The following TCHP variants were observed in gnomAD, a reference collection of about 807,000 sequenced individuals.
TCHP encodes trichoplein keratin filament-binding protein.
TCHP carries 81 observed loss-of-function variants against 88.7 expected under a neutral mutation model. The observed-to-expected ratio is 0.91, with a 90% CI of 0.76 to 1.10. The LOEUF (loss-of-function observed/expected upper bound fraction) is 1.10. Among genes scored for constraint, TCHP ranks in the 50% least tolerant of loss-of-function variants. The pLI, the probability that TCHP is intolerant of heterozygous loss-of-function variation, is 0.00. For missense variants in TCHP, 641 were observed against 632.1 expected (o/e 1.01, Z -0.15); for synonymous variants, 232 against 232.5 (o/e 1.00, Z 0.02).
At chr12:109,883,375 G>C in the TCHP span, among the ~76,000 whole-genome samples, 1 of 152,100 alleles carries the variant, frequency 6.6e-6, no homozygotes. Flanking sequence ...GAGAGAAGAG[G>C]TTGTTTCAAA....
intron 8 of TCHP, among the ~76,000 whole-genome samples, chr12:109,910,712 G>A (rs187088613): frequency 7.7e-4 from 118 of 152,302 alleles, no homozygotes; most frequent in East Asian, 5.8e-4. Flanking sequence ...TGCAACGAGT[G>A]TTTTGCACTT....
Position 109,911,079 on chromosome 12 carries a change from T to C in TCHP, c.896T>C (p.Ile299Thr), listed in dbSNP as rs778619018. 3 of 1,585,550 alleles carry C rather than the reference T, an allele frequency of 1.9e-6. No homozygotes were observed. The highest frequency in any genetic ancestry group is 1.7e-6 in the Non-Finnish European group (2 of 1,166,220). ...TTCCTCTAGGAGGCAGACAGGCGGATCCTGCAGGCCCTCCTCGAGAAGGAG... is the reference window on the plus strand; with the variant it reads ...TTCCTCTAGGAGGCAGACAGGCGGACCCTGCAGGCCCTCCTCGAGAAGGAG... Reference protein sequence around the residue: ...IQEELEADRRILQALLEKEDE... With the variant: ...IQEELEADRRTLQALLEKEDE... Residue 299 changes from isoleucine (I) to threonine (T), a missense_variant, in exon 9 of 13, where the codon ATC (isoleucine) becomes ACC (threonine). Ile to Thr is a moderately conservative substitution (Grantham distance 89, BLOSUM62 -1). Transcript: ENST00000405876.
At chr12:109,892,631 C>A in the TCHP span, among the ~76,000 whole-genome samples, 1 of 152,114 alleles carries the variant, frequency 6.6e-6, no homozygotes. Context: ...GCAGGAAAGT[C>A]ACAGAAAACA....
At chr12:109,888,189 G>C in the TCHP span, 4 of 152,236 alleles carry the variant, frequency 2.6e-5, no homozygotes, top group Admixed American at 2.6e-4. Context: ...ATAGAAGGGC[G>C]AGGAAGAGAG....
chr12:109,904,005 A>G lies in TCHP; in HGVS notation c.257A>G (p.Lys86Arg). The G allele has an allele frequency of 1.9e-6, 3 of 1,610,766 alleles. No individual in the cohort carries two copies. The highest frequency in any genetic ancestry group is 1.3e-5 in the African/African-American group (1 of 75,030). Residue 86 changes from lysine to arginine, a missense_variant, in exon 3 of 13, where the codon AAG (lysine) becomes AGG (arginine). Physicochemically the swap from Lys to Arg is conservative, Grantham distance 26. Transcript: ENST00000405876. ...KRRSLEARRE[K>R]LRQLMQEEQD... ...AGGAGTCTGGAGGCCCGACGGGAAA[A>G]GCTCAGGCAGCTCATGCAGGAGGAG...
At chr12:109,883,768 A>T in the TCHP span, among the ~76,000 whole-genome samples, 1 of 152,172 alleles carries the variant, frequency 6.6e-6, no homozygotes, top group Non-Finnish European at 1.5e-5. Flanking sequence ...TTCAAGAAGC[A>T]CCTTGCCATA....
At chr12:109,916,554 T>G (rs368852976) in intron 12 of TCHP, 37 bp from the exon 13 acceptor site, 11 of 1,604,446 alleles carry the variant, frequency 6.9e-6, no homozygotes, top group African/African-American at 6.7e-5. Flanking sequence ...CAGATACTGC[T>G]GATCTGATCA....
chr12:109,882,770 C>A, the TCHP span, among the ~76,000 whole-genome samples: 2 of 150,260 alleles, frequency 1.3e-5, no homozygotes, highest in African/African-American at 4.9e-5. Flanking sequence ...CAATTCTCTG[C>A]CTCAGCCTCC....
At position 109,903,844 on chromosome 12, in the gene TCHP, A is replaced by G. The variant is rs533468101; in HGVS notation, c.189-93A>G. 48 of 1,016,378 alleles carry G rather than the reference A, an allele frequency of 4.7e-5. No individual in the cohort carries two copies. Among genetic ancestry groups the G allele is most frequent in the Non-Finnish European group, 7.1e-5 (47 of 666,040 alleles). 63.0% of individuals were successfully genotyped at this position (1,016,378 alleles called of 1,614,324 possible). A position where few individuals can be genotyped will look rare whatever the true frequency, so the allele number is the denominator to read the frequency against. ...ACACATTCCTGTGTCGTCATGACAC[A>G]TCTACCTCAGCCTCTTTTACCGACA... On this transcript the variant is annotated intron_variant, in intron 2 of 12. Coordinates refer to ENST00000405876, the MANE Select transcript of TCHP (RefSeq NM_001143852.2). The surrounding 1 kb of genome is among the most constrained non-coding windows in gnomAD (Gnocchi z 4.6).
chr12:109,904,737 A>G lies in TCHP; in HGVS notation c.400A>G (p.Ile134Val). The G allele has an allele frequency of 1.2e-6, 2 of 1,610,416 alleles. No individual in the cohort carries two copies. Among genetic ancestry groups the G allele is most frequent in the Non-Finnish European group, 1.7e-6 (2 of 1,179,136 alleles). Residue 134 changes from isoleucine (I) to valine (V), a missense_variant and splice_region_variant, in exon 4 of 13, where the codon ATT becomes GTT. Transcript: ENST00000405876. ...KSAKEEQRKL[I>V]AEQLLYEHWK... The stretch of plus-strand genomic sequence containing the variant: ...TTTCCATTTTGTGTTTTCTTGATAG[A>G]TTGCTGAACAACTTTTGTACGAACA...
At chr12:109,898,943 C>T (rs957117996), upstream of TCHP, among the ~76,000 whole-genome samples, 7 of 152,168 alleles carry the variant, frequency 4.6e-5, no homozygotes, top group African/African-American at 1.2e-4. Context: ...CTCAGCCTCC[C>T]GAGTAGCTGG....
At chr12:109,916,171 G>C (rs1592916502) in intron 12 of TCHP, among the ~76,000 whole-genome samples, 1 of 152,246 alleles carries the variant, frequency 6.6e-6, no homozygotes, top group Non-Finnish European at 1.5e-5. Context: ...GGTGCCTAGA[G>C]TGCATTCCCC....
rs147052884 is a variant in TCHP at position 109,913,049 on chromosome 12, G to T, written c.1111G>T (p.Ala371Ser). ...REAEWARERS[A>S]RDRLMSEVLT... ...GGCAGAGTGGGCCCGAGAGCGCAGC[G>T]CACGGGACAGACTGATGAGCGAGGT... Residue 371 changes from alanine (A) to serine (S), a missense_variant, in exon 10 of 13, where the codon GCA becomes TCA. Coordinates refer to ENST00000405876, the MANE Select transcript of TCHP (RefSeq NM_001143852.2). 1 of 1,613,878 alleles carries T rather than the reference G, an allele frequency of 6.2e-7. No homozygotes were observed. Among genetic ancestry groups the T allele is most frequent in the East Asian group, 2.2e-5 (1 of 44,884 alleles).
upstream of TCHP, among the ~76,000 whole-genome samples, chr12:109,896,246 C>T (rs763674492): frequency 1.3e-5 from 2 of 151,996 alleles, no homozygotes; most frequent in Admixed American, 6.5e-5. Context: ...TGTGCCCGGC[C>T]GCAGGCCTCT....
chr12:109,883,608 G>A, the TCHP span, among the ~76,000 whole-genome samples: 1 of 151,954 alleles, frequency 6.6e-6, no homozygotes, highest in East Asian at 1.9e-4. Flanking sequence ...CCCGCACCCT[G>A]TCCTAGTGCC....
chr12:109,891,645 C>A, the TCHP span, among the ~76,000 whole-genome samples: 1 of 152,050 alleles, frequency 6.6e-6, no homozygotes, highest in African/African-American at 2.4e-5. Flanking sequence ...AAGTGATCCA[C>A]CTGCCTTGGC....
At chr12:109,885,754 T>C in the TCHP span, among the ~76,000 whole-genome samples, 1 of 151,876 alleles carries the variant, frequency 6.6e-6, no homozygotes, top group Admixed American at 6.6e-5. Flanking sequence ...GTACTGTGAT[T>C]ACAAGCGTGA....
rs1309569668 is a variant in TCHP at position 109,900,420 on chromosome 12, G to C, written c.-7G>C. On this transcript the variant is annotated 5_prime_UTR_variant, in exon 1 of 13. Transcript: ENST00000405876. ...GACTCTTCGGAAACTCCGAGCCTCA[G>C]AGAAATGTGAGTCGGAGGGTTGGAC... The C allele has an allele frequency of 6.6e-6, 1 of 152,252 alleles. No homozygotes were observed. The highest frequency in any genetic ancestry group is 1.9e-4 in the East Asian group (1 of 5,188). 9.4% of individuals were successfully genotyped at this position (152,252 alleles called of 1,614,324 possible). A position where few individuals can be genotyped will look rare whatever the true frequency, so the allele number is the denominator to read the frequency against.
intron 8 of TCHP, 38 bp from the exon 9 acceptor site, chr12:109,911,025 G>T: frequency 6.7e-7 from 1 of 1,500,396 alleles, no homozygotes. Flanking sequence ...GAAGGACTCT[G>T]TCCAGCCCAG....
Sources: gnomAD v4.1 joint callset for allele counts (sites outside exome capture counted in the v4.1 genomes callset) on GRCh38, gnomAD v4.1.1 for gene constraint, Gnocchi (gnomAD v3.1) non-coding constraint, MANE v1.5 for transcripts, NCBI Gene and HGNC (gene_info 2026-07-23, HGNC 2026-07-21) for gene names.